HCN1: variants seen among roughly 807,000 people sequenced by gnomAD.
HCN1 encodes potassium/sodium hyperpolarization-activated cyclic nucleotide-gated channel 1.
A neutral mutation model predicts 78.9 loss-of-function variants in HCN1; 13 were observed. The observed-to-expected ratio is 0.16, with a 90% CI of 0.11 to 0.26. HCN1 has a LOEUF of 0.26. Ranked by LOEUF, HCN1 falls within the 10% of genes least tolerant of loss-of-function variation. The pLI, the probability that HCN1 is intolerant of heterozygous loss-of-function variation, is 1.00. For synonymous variants in HCN1, 552 were observed against 455.5 expected (o/e 1.21, Z -2.70); for missense variants, 810 against 1,154.3 (o/e 0.70, Z 4.32).
chr5:45,298,477 A>C (rs1007478237), intron 6 of HCN1, among the ~76,000 whole-genome samples: 1 of 151,986 alleles, frequency 6.6e-6, no homozygotes, highest in Non-Finnish European at 1.5e-5. Context: ...AATAAGAAAA[A>C]ATTTACCCAC....
intron 5 of HCN1, among the ~76,000 whole-genome samples, chr5:45,319,852 T>TA (rs754113634): frequency 6.6e-6 from 1 of 151,878 alleles, no homozygotes; most frequent in African/African-American, 2.4e-5. Context: ...TTAGTTATTA[T>TA]AAAAAAGAAT....
At chr5:45,592,430 G>C (rs1379753231) in intron 2 of HCN1, among the ~76,000 whole-genome samples, 2 of 151,958 alleles carry the variant, frequency 1.3e-5, no homozygotes, top group African/African-American at 2.4e-5. Context: ...TATTTTTCAT[G>C]GGAACTATAT....
At chr5:45,636,994 T>A (rs1440975190) in intron 2 of HCN1, among the ~76,000 whole-genome samples, 1 of 152,242 alleles carries the variant, frequency 6.6e-6, no homozygotes, top group Non-Finnish European at 1.5e-5. Context: ...AATAAACTTT[T>A]TAGTTTCAAA....
intron 5 of HCN1, among the ~76,000 whole-genome samples, chr5:45,342,850 G>A (rs749350546): frequency 9.9e-5 from 15 of 151,984 alleles, no homozygotes; most frequent in Admixed American, 3.3e-4. Context: ...AAACATAGAC[G>A]AAATGTTCCT....
At chr5:45,527,852 G>A (rs1043927342) in intron 2 of HCN1, among the ~76,000 whole-genome samples, 3 of 150,864 alleles carry the variant, frequency 2.0e-5, no homozygotes, top group East Asian at 1.9e-4. Context: ...ATGTTTAGTG[G>A]TTTAAATTTC....
intron 3 of HCN1, among the ~76,000 whole-genome samples, chr5:45,406,887 C>T (rs1462388630): frequency 6.6e-6 from 1 of 152,146 alleles, no homozygotes; most frequent in Non-Finnish European, 1.5e-5. Context: ...TAAAATTGTA[C>T]TTTAGTTTTA....
At chr5:45,617,289 G>A (rs747345281) in intron 2 of HCN1, 4 of 152,010 alleles carry the variant, frequency 2.6e-5, no homozygotes, top group Non-Finnish European at 4.4e-5. Context: ...CTAAACACTA[G>A]TATCTCAGGT....
Position 45,267,341 on chromosome 5 carries a change from T to C in HCN1, c.1619-88A>G. 4 of 1,229,866 alleles carry C rather than the reference T, an allele frequency of 3.3e-6. No individual in the cohort carries two copies. The East Asian group carries it at 9.4e-5, about 29-fold the overall frequency. 76.2% of individuals were successfully genotyped at this position (1,229,866 alleles called of 1,614,324 possible). On this transcript the variant is annotated intron_variant, in intron 6 of 7. Transcript: ENST00000303230. Reference sequence around the variant, plus strand: ...GGCTTCCCACAACTTAAAACAAGTCTCATGGTGTGAAAAAACAATTATTAG... The same window carrying C: ...GGCTTCCCACAACTTAAAACAAGTCCCATGGTGTGAAAAAACAATTATTAG...
At chr5:45,374,613 A>C (rs959693851) in intron 4 of HCN1, among the ~76,000 whole-genome samples, 1 of 150,124 alleles carries the variant, frequency 6.7e-6, no homozygotes, top group African/African-American at 2.4e-5. Flanking sequence ...TATTCCAAAA[A>C]CTTGGGGAGG....
At chr5:45,558,164 G>GAA (rs1446793200) in intron 2 of HCN1, 1 of 150,240 alleles carries the variant, frequency 6.7e-6, no homozygotes, top group Non-Finnish European at 1.5e-5. Context: ...GAGAGAGAGA[G>GAA]AAACAGTCAT....
At chr5:45,343,229 G>T (rs950853278) in intron 5 of HCN1, among the ~76,000 whole-genome samples, 1 of 152,178 alleles carries the variant, frequency 6.6e-6, no homozygotes, top group African/African-American at 2.4e-5. Flanking sequence ...AGTATAGAGG[G>T]ACTGGAAGAT....
intron 2 of HCN1, among the ~76,000 whole-genome samples, chr5:45,536,924 T>C (rs2111816331): frequency 6.6e-6 from 1 of 152,316 alleles, no homozygotes; most frequent in South Asian, 2.1e-4. Flanking sequence ...ACAGCTGCTT[T>C]CCCCTGTTTC....
intron 2 of HCN1, among the ~76,000 whole-genome samples, chr5:45,580,843 C>G (rs1436211386): frequency 6.6e-6 from 1 of 152,098 alleles, no homozygotes; most frequent in Non-Finnish European, 1.5e-5. Flanking sequence ...CCAGCTTCAT[C>G]CATGTCCCTA....
intron 2 of HCN1, among the ~76,000 whole-genome samples, chr5:45,555,013 A>G (rs1743443681): frequency 6.6e-6 from 1 of 151,728 alleles, no homozygotes; most frequent in Admixed American, 6.6e-5. Flanking sequence ...AGGGCAACAC[A>G]CCCAAAGCAA....
At chr5:45,647,712 C>T (rs912569512) in intron 1 of HCN1, among the ~76,000 whole-genome samples, 2 of 152,090 alleles carry the variant, frequency 1.3e-5, no homozygotes, top group South Asian at 4.1e-4. Context: ...AGCTCAAACT[C>T]ATAATCTCCT....
chr5:45,388,881 A>C (rs1747981422), intron 4 of HCN1, among the ~76,000 whole-genome samples: 1 of 152,128 alleles, frequency 6.6e-6, no homozygotes, highest in South Asian at 2.1e-4. Flanking sequence ...CACCCTGTTT[A>C]ATATGTCCAC....
chr5:45,416,510 A>G (rs1005481692), intron 3 of HCN1, among the ~76,000 whole-genome samples: 1 of 152,024 alleles, frequency 6.6e-6, no homozygotes, highest in Non-Finnish European at 1.5e-5. Context: ...GAAAACAAAA[A>G]CAGCACTGAC....
At chr5:45,438,166 A>T (rs1026262940) in intron 3 of HCN1, among the ~76,000 whole-genome samples, 2 of 152,222 alleles carry the variant, frequency 1.3e-5, no homozygotes, top group Non-Finnish European at 2.9e-5. Flanking sequence ...TACCATTGGG[A>T]GATGTCTACC....
intron 3 of HCN1, among the ~76,000 whole-genome samples, chr5:45,424,421 G>A (rs1740297141): frequency 6.6e-6 from 1 of 152,150 alleles, no homozygotes; most frequent in East Asian, 1.9e-4. Context: ...ATGAAATCAA[G>A]TCCTAATAAT....
Sources: allele counts gnomAD v4.1 joint callset (sites outside exome capture counted in the v4.1 genomes callset), GRCh38; gene constraint gnomAD v4.1.1; transcripts MANE v1.5; gene names NCBI Gene and HGNC (gene_info 2026-07-23, HGNC 2026-07-21).